The following MORN1 variants were observed in gnomAD, a reference collection of about 807,000 sequenced individuals.
MORN1 encodes MORN repeat containing 1.
MORN1 carries 67 observed loss-of-function variants against 61.9 expected under a neutral mutation model. The ratio of observed to expected loss-of-function variants is 1.08; its 90% CI spans 0.89 to 1.33. MORN1 has a LOEUF of 1.33. Among genes scored for constraint, MORN1 ranks in the 40% most tolerant of loss-of-function variants. MORN1 has a pLI of 0.00. For synonymous variants in MORN1, 301 were observed against 292.0 expected (o/e 1.03, Z -0.31); for missense variants, 752 against 691.2 (o/e 1.09, Z -0.99).
At chr1:2,366,079 A>G (rs1439388130) in intron 8 of MORN1, among the ~76,000 whole-genome samples, 1 of 148,334 alleles carries the variant, frequency 6.7e-6, no homozygotes, top group Non-Finnish European at 1.5e-5. Flanking sequence ...AACCAACCCA[A>G]ATGTCCAACA....
chr1:2,349,399 AGTCCCG>A (rs1641599809), intron 10 of MORN1, among the ~76,000 whole-genome samples: 1 of 152,210 alleles, frequency 6.6e-6, no homozygotes, highest in African/African-American at 2.4e-5. Context: ...CCTTGCTCCC[AGTCCCG>A]GCCCCTCTGA....
At chr1:2,321,651 CACT>C in intron 13 of MORN1, 72 bp from the exon 14 acceptor site, 1 of 1,418,008 alleles carries the variant, frequency 7.1e-7, no homozygotes, top group African/African-American at 1.5e-5. Flanking sequence ...GCCCACTGCC[CACT>C]GTCTCATGTG....
intron 8 of MORN1, among the ~76,000 whole-genome samples, chr1:2,369,875 G>C (rs1262854051): frequency 6.6e-6 from 1 of 152,174 alleles, no homozygotes; most frequent in African/African-American, 2.4e-5. Context: ...TCATGAGATG[G>C]AGGCCTCAGT....
intron 10 of MORN1, among the ~76,000 whole-genome samples, chr1:2,344,761 T>C (rs2843137): frequency 0.32 from 48,823 of 152,104 alleles, 9,939 homozygotes; most frequent in African/African-American, 0.55. Flanking sequence ...CCACAACAGC[T>C]GCCTGCAGAG....
At chr1:2,374,401 G>C in intron 7 of MORN1, 60 bp downstream of exon 7, 1 of 1,459,084 alleles carries the variant, frequency 6.9e-7, no homozygotes, top group Non-Finnish European at 9.4e-7. Context: ...GCTGCCCGGG[G>C]GCCAGGGACA....
rs994535135 is a variant in MORN1 at position 2,390,456 on chromosome 1, C to T, written c.77-460G>A. On this transcript the variant is annotated intron_variant, in intron 1 of 13. Transcript: ENST00000378531. ...CTCCTATCGCTGGGGAGAAAATCCA[C>T]ACTCATACCCAAGGATGGCCTGGCC... is the stretch of plus-strand genomic sequence containing the variant. 14 of 985,414 alleles carry T rather than the reference C, an allele frequency of 1.4e-5. No individual in the cohort carries two copies. In the African/African-American group the frequency reaches 2.3e-4, roughly 16 times the overall value. 61.0% of individuals were successfully genotyped at this position (985,414 alleles called of 1,614,324 possible).
chr1:2,379,938 C>T (rs1056767764), intron 6 of MORN1, among the ~76,000 whole-genome samples: 7 of 152,234 alleles, frequency 4.6e-5, no homozygotes, highest in African/African-American at 1.7e-4. Flanking sequence ...GCCGTATTCA[C>T]AGCAGCATCA....
rs543419040 is a variant in MORN1, at chr1:2,359,409, C to A, written c.746-694G>T. Among the ~76,000 whole-genome samples the A allele has an allele frequency of 1.4e-4, 21 of 152,342 alleles. No individual in the cohort carries two copies. The East Asian group carries it at 4.0e-3, about 29-fold the overall frequency. ...GAGGACTGTGCCCAAGGAGTGGACA[C>A]CACTGTCCCTCTGAGTTGCTGAGTG... On this transcript the variant is annotated intron_variant, in intron 8 of 13. Coordinates refer to ENST00000378531, the MANE Select transcript of MORN1 (RefSeq NM_024848.3).
At chr1:2,367,128 AAG>A (rs1232762931) in intron 8 of MORN1, among the ~76,000 whole-genome samples, 1 of 152,174 alleles carries the variant, frequency 6.6e-6, no homozygotes, top group African/African-American at 2.4e-5. Context: ...CCGAAAATTG[AAG>A]AGAGAATTTT....
chr1:2,345,627 C>T (rs1641496115), intron 10 of MORN1, among the ~76,000 whole-genome samples: 1 of 152,212 alleles, frequency 6.6e-6, no homozygotes, highest in African/African-American at 2.4e-5. Context: ...GGCACCCTAG[C>T]CGGCAACATA....
chr1:2,341,373 C>T (rs762019421), intron 10 of MORN1, among the ~76,000 whole-genome samples: 4 of 152,158 alleles, frequency 2.6e-5, no homozygotes, highest in South Asian at 2.1e-4. Flanking sequence ...TGCAAACTTG[C>T]TCCCATTAGG....
Position 2,385,860 on chromosome 1 carries a change from G to C in MORN1, c.396C>G (p.Tyr132Ter). The C allele has an allele frequency of 6.2e-7, 1 of 1,613,960 alleles. No individual in the cohort carries two copies. Among genetic ancestry groups the C allele is most frequent in the Non-Finnish European group, 8.5e-7 (1 of 1,180,008 alleles). ...GFLVDRDGQV[Y>*]QGSFHDNKRH... is the part of the protein sequence containing the mutation. ...TCTTGTTGTCATGGAAGGAGCCCTG[G>C]TACACTTGTCCATCCCGGTCCACCA... The change falls in exon 5 of 14, where the codon TAC becomes TAG. Residue 132 changes from tyrosine to a stop codon, truncating the protein, a stop_gained. Transcript: ENST00000378531. LOFTEE classifies it high-confidence loss of function.
chr1:2,348,253 C>T (rs1346967260), intron 10 of MORN1, among the ~76,000 whole-genome samples: 1 of 152,202 alleles, frequency 6.6e-6, no homozygotes, highest in African/African-American at 2.4e-5. Flanking sequence ...CAGAGAGACC[C>T]GGGTTACGCA....
intron 2 of MORN1, 66 bp downstream of exon 2, chr1:2,389,859 G>A (rs760464263): frequency 3.4e-5 from 50 of 1,470,238 alleles, no homozygotes; most frequent in Non-Finnish European, 4.7e-5. Context: ...CCAACCTCCC[G>A]GGGAGAAACT....
intron 10 of MORN1, among the ~76,000 whole-genome samples, chr1:2,345,501 C>A (rs563788325): frequency 5.1e-4 from 77 of 152,346 alleles, no homozygotes; most frequent in African/African-American, 1.8e-3. Flanking sequence ...ACCGGGGGAC[C>A]CCCTGCCCTG....
At chr1:2,330,041 C>T (rs1034119351) in intron 12 of MORN1, among the ~76,000 whole-genome samples, 3 of 152,200 alleles carry the variant, frequency 2.0e-5, no homozygotes, top group Non-Finnish European at 4.4e-5. Flanking sequence ...CCTATTTGCC[C>T]ATCTTGGGGC....
intron 10 of MORN1, among the ~76,000 whole-genome samples, chr1:2,356,078 T>C (rs2645083): frequency 0.83 from 126,583 of 152,148 alleles, 53,029 homozygotes; most frequent in African/African-American, 0.93. Flanking sequence ...GGTCGGGGGA[T>C]TGTGAGGACT....
intron 10 of MORN1, among the ~76,000 whole-genome samples, chr1:2,340,573 G>C (rs1641374118): frequency 6.6e-6 from 1 of 152,196 alleles, no homozygotes; most frequent in Non-Finnish European, 1.5e-5. Flanking sequence ...TGGGTCCCTA[G>C]GCCTCCAGCA....
intron 12 of MORN1, among the ~76,000 whole-genome samples, chr1:2,336,091 G>A (rs1641268978): frequency 6.6e-6 from 1 of 152,306 alleles, no homozygotes; most frequent in East Asian, 1.9e-4. Flanking sequence ...AGCTCACAGA[G>A]TCCCCTCAAG....
Sources: gnomAD v4.1 joint callset for allele counts (sites outside exome capture counted in the v4.1 genomes callset) on GRCh38, gnomAD v4.1.1 for gene constraint, MANE v1.5 for transcripts, NCBI Gene and HGNC (gene_info 2026-07-23, HGNC 2026-07-21) for gene names.